IFT74: variants seen among roughly 807,000 people sequenced by gnomAD.
IFT74 encodes the protein intraflagellar transport protein 74 homolog.
IFT74 carries 92 observed loss-of-function variants against 96.7 expected under a neutral mutation model. The observed-to-expected ratio is 0.95, with a 90% CI of 0.80 to 1.13. The LOEUF (loss-of-function observed/expected upper bound fraction) is 1.13. Among genes scored for constraint, IFT74 ranks in the 50% most tolerant of loss-of-function variants. IFT74 has a pLI of 0.00. For missense variants in IFT74, 811 were observed against 698.2 expected (o/e 1.16, Z -1.82); for synonymous variants, 223 against 213.2 (o/e 1.05, Z -0.40).
chr9:26,957,116 G>C (rs1046777722), intron 1 of IFT74, among the ~76,000 whole-genome samples: 2 of 152,186 alleles, frequency 1.3e-5, no homozygotes, highest in African/African-American at 4.8e-5. Flanking sequence ...CAAAGGCCAG[G>C]CTGCCTCTCT....
At chr9:26,965,456 A>G (rs1290947126) in intron 2 of IFT74, among the ~76,000 whole-genome samples, 2 of 152,104 alleles carry the variant, frequency 1.3e-5, no homozygotes, top group African/African-American at 4.8e-5. Flanking sequence ...TCAGGTAATA[A>G]TATTAGGACA....
In IFT74 at chr9:27,048,172, T is replaced by C; in HGVS notation, c.1231T>C (p.Ser411Pro). The C allele has an allele frequency of 6.3e-7, 1 of 1,597,832 alleles. No homozygotes were observed. The highest frequency in any genetic ancestry group is 1.1e-5 in the South Asian group (1 of 88,808). Residue 411 changes from serine (S) to proline (P), a missense_variant, in exon 16 of 20, where the codon TCC becomes CCC. Transcript: ENST00000380062. ...GAATATAAATCGTATAGAACAGATA[T>C]CCTCTATCACCAATCAAGAGCTAAA... ...SRNINRIEQI[S>P]SITNQELKMM...
rs1014358908 is a variant in IFT74 at position 27,036,925 on chromosome 9, C to G, written c.1055-7817C>G. Reference sequence around the variant, plus strand: ...TATTGCTGTGATTCATGATAAAATGCTTGCAGAGACTGGTCGGGCACAGTG... The same window carrying G: ...TATTGCTGTGATTCATGATAAAATGGTTGCAGAGACTGGTCGGGCACAGTG... On this transcript the variant is annotated intron_variant, in intron 13 of 19. Transcript: ENST00000380062. The G allele has an allele frequency of 1.4e-5, 10 of 693,386 alleles. No individual in the cohort carries two copies. The African/African-American group carries it at 1.6e-4, about 11-fold the overall frequency. The allele number at this position is 693,386 out of a possible 1,614,324, so 43.0% of individuals were successfully genotyped here.
chr9:27,039,348 G>C (rs532094661), intron 13 of IFT74, among the ~76,000 whole-genome samples: 117 of 152,208 alleles, frequency 7.7e-4, no homozygotes, highest in African/African-American at 2.8e-3. Context: ...CCAGAGTTTT[G>C]ATGCGTCTTA....
chr9:26,947,606 G>C (rs1825786571), intron 1 of IFT74: 1 of 152,626 alleles, frequency 6.6e-6, no homozygotes, highest in Non-Finnish European at 1.5e-5. Context: ...GTTGTTTGGT[G>C]TCTACTGTTA....
chr9:26,973,526 C>T (rs1045435609), intron 2 of IFT74, among the ~76,000 whole-genome samples: 4 of 152,130 alleles, frequency 2.6e-5, no homozygotes, highest in African/African-American at 9.7e-5. Context: ...ATGTATTTTT[C>T]GTCCACAGTG....
At chr9:27,021,534 G>A (rs1195473023) in intron 12 of IFT74, among the ~76,000 whole-genome samples, 5 of 152,294 alleles carry the variant, frequency 3.3e-5, no homozygotes, top group African/African-American at 1.2e-4. Flanking sequence ...TCTTGCAGGA[G>A]TAAGGTGGTA....
At chr9:26,996,599 T>G in intron 8 of IFT74, 1 of 769,254 alleles carries the variant, frequency 1.3e-6, no homozygotes, top group African/African-American at 1.8e-5. Context: ...TTTGTCATTC[T>G]TAAAGGCATT....
At position 27,032,790 on chromosome 9, in the gene IFT74, C is replaced by T. The variant is rs958257437; in HGVS notation, c.1054+3686C>T. On this transcript the variant is annotated intron_variant, in intron 13 of 19. Coordinates refer to ENST00000380062, the MANE Select transcript of IFT74 (RefSeq NM_025103.4). The stretch of plus-strand genomic sequence containing the variant: ...CTGAAGTAGGAGAATCGCTTGAACT[C>T]GGGAGGCAGAGGTTGCAGTAAGCCA... 4.3e-4 allele frequency among the ~76,000 whole-genome samples: 65 copies of T among 151,670 alleles called. 2 individuals are homozygous for T. The highest frequency in any genetic ancestry group is 1.5e-3 in the African/African-American group (63 of 41,288).
At chr9:27,032,534 T>C (rs1472846931) in intron 13 of IFT74, among the ~76,000 whole-genome samples, 2 of 152,158 alleles carry the variant, frequency 1.3e-5, no homozygotes, top group Non-Finnish European at 2.9e-5. Context: ...ACTGGGCAAT[T>C]AGCCTCAGCT....
At chr9:26,977,114 CA>C (rs1827162791) in intron 2 of IFT74, among the ~76,000 whole-genome samples, 1 of 151,936 alleles carries the variant, frequency 6.6e-6, no homozygotes, top group African/African-American at 2.4e-5. Context: ...ACTATTTTTT[CA>C]CATAGTTTTT....
At chr9:26,980,946 C>G (rs889271710) in intron 4 of IFT74, among the ~76,000 whole-genome samples, 4 of 152,124 alleles carry the variant, frequency 2.6e-5, no homozygotes, top group Admixed American at 6.6e-5. Context: ...TTATTTCTTA[C>G]TGTTCCGGAG....
intron 16 of IFT74, among the ~76,000 whole-genome samples, chr9:27,055,124 T>C (rs1354163649): frequency 6.6e-6 from 1 of 152,170 alleles, no homozygotes; most frequent in Non-Finnish European, 1.5e-5. Flanking sequence ...TTGGGAGCAA[T>C]AGTTCAATAT....
At chr9:27,026,944 A>C (rs1245735921) in intron 12 of IFT74, among the ~76,000 whole-genome samples, 1 of 21,718 alleles carries the variant, frequency 4.6e-5, no homozygotes, top group Non-Finnish European at 8.6e-5. Context: ...CAAAACCCAA[A>C]CCCACCAAAA....
rs1043465121 is a variant in IFT74, at chr9:26,976,536, C to T, written c.121-1592C>T. The T allele has an allele frequency of 6.9e-5, 22 of 318,636 alleles. No individual in the cohort carries two copies. In the East Asian group the frequency reaches 8.9e-4, roughly 13 times the overall value. 19.7% of individuals were successfully genotyped at this position (318,636 alleles called of 1,614,324 possible). On this transcript the variant is annotated intron_variant, in intron 2 of 19. Coordinates refer to ENST00000380062, the MANE Select transcript of IFT74 (RefSeq NM_025103.4). Reference sequence around the variant, plus strand: ...TTTAAACTTTCTTAGATAAGGTGGGCGCATGATGGGAGAGAGGGGAGAGGA... The same window carrying T: ...TTTAAACTTTCTTAGATAAGGTGGGTGCATGATGGGAGAGAGGGGAGAGGA...
chr9:27,057,843 G>A (rs972058716), intron 18 of IFT74, among the ~76,000 whole-genome samples: 2 of 151,838 alleles, frequency 1.3e-5, no homozygotes, highest in African/African-American at 4.8e-5. Flanking sequence ...GGGTGACAGA[G>A]CGAGACTCTG....
intron 1 of IFT74, among the ~76,000 whole-genome samples, chr9:26,948,448 A>ATTATTTTTTTTTTTTTTTTTTTTTTTT (rs1825819541): frequency 1.5e-4 from 9 of 59,162 alleles, no homozygotes; most frequent in Non-Finnish European, 2.3e-4. Flanking sequence ...GCTTTCCATT[A>ATTATTTTTTTTTTTTTTTTTTTTTTTT]TTTTTTTTTT....
intron 4 of IFT74, chr9:26,984,033 C>T (rs1422331348): frequency 4.3e-5 from 13 of 304,442 alleles, no homozygotes; most frequent in Non-Finnish European, 4.8e-5. Context: ...ATGCGCCTGC[C>T]TCGGCCTCCC....
intron 1 of IFT74, among the ~76,000 whole-genome samples, chr9:26,957,102 G>A (rs1354410685): frequency 2.0e-5 from 3 of 152,150 alleles, no homozygotes; most frequent in Non-Finnish European, 4.4e-5. Flanking sequence ...AATCATTCTG[G>A]ATCCAAAGGC....
Sources: allele counts gnomAD v4.1 joint callset (sites outside exome capture counted in the v4.1 genomes callset), GRCh38; gene constraint gnomAD v4.1.1; transcripts MANE v1.5; gene names NCBI Gene and HGNC (gene_info 2026-07-23, HGNC 2026-07-21).